Variants in SV2B observed in about 807,000 individuals in gnomAD.
The protein encoded by SV2B is synaptic vesicle glycoprotein 2B.
Under a neutral mutation model 73.9 loss-of-function variants are expected in SV2B, and 41 were observed. That is an observed-to-expected ratio of 0.56 (90% CI 0.43 to 0.72). The LOEUF (loss-of-function observed/expected upper bound fraction) is 0.72. Among genes scored for constraint, SV2B ranks in the 30% least tolerant of loss-of-function variants. The pLI, the probability that SV2B is intolerant of heterozygous loss-of-function variation, is 0.00. For synonymous variants in SV2B, 314 were observed against 314.2 expected (o/e 1.00, Z 0.01); for missense variants, 764 against 857.8 (o/e 0.89, Z 1.37).
rs1346800153 is a variant in SV2B, at chr15:91,121,313, CT to C, written c.-392+20951del. On this transcript the variant is annotated intron_variant, in intron 1 of 12. Coordinates refer to ENST00000394232, the MANE Select transcript of SV2B (RefSeq NM_001323032.3). The surrounding 1 kb of genome is among the most constrained non-coding windows in gnomAD (Gnocchi z 4.4). ...GTGAGAAATTTATTAATTTTCCCCC[CT>C]AACCCTCCTGAGAATACTTAAGCCA... 4.6e-5 allele frequency among the ~76,000 whole-genome samples: 7 copies of C among 152,198 alleles called. No individual in the cohort carries two copies. Among genetic ancestry groups the C allele is most frequent in the African/African-American group, 1.7e-4 (7 of 41,516 alleles).
In SV2B at chr15:91,300,374, G is replaced by C. The variant is rs763803349; in HGVS notation, c.*7822G>C. On this transcript the variant is annotated 3_prime_UTR_variant, in exon 13 of 13. Coordinates refer to ENST00000394232, the MANE Select transcript of SV2B (RefSeq NM_001323032.3). ...GTTACTTCTCTGTTCTTGATGTAAT[G>C]AGTTAAGTAGATGAAAGAGATTAAG... is the stretch of plus-strand genomic sequence containing the variant. 1 of 152,160 alleles carries C rather than the reference G, an allele frequency of 6.6e-6. No individual in the cohort carries two copies. Among genetic ancestry groups the C allele is most frequent in the Non-Finnish European group, 1.5e-5 (1 of 68,020 alleles). 9.4% of individuals were successfully genotyped at this position (152,160 alleles called of 1,614,324 possible).
In SV2B at chr15:91,134,778, C is replaced by T. The variant is rs566439675; in HGVS notation, c.-392+34415C>T. On this transcript the variant is annotated intron_variant, in intron 1 of 12. Transcript: ENST00000394232. Reference sequence around the variant, plus strand: ...TAGCTCCTTTTCTTTAAAAAGCAAACAACCCCAATAAAAACAACAGCGACA... The same window carrying T: ...TAGCTCCTTTTCTTTAAAAAGCAAATAACCCCAATAAAAACAACAGCGACA... Among the ~76,000 whole-genome samples the T allele has an allele frequency of 1.3e-4, 20 of 152,200 alleles. No individual in the cohort carries two copies. The South Asian group carries it at 4.2e-3, about 32-fold the overall frequency.
intron 1 of SV2B, among the ~76,000 whole-genome samples, chr15:91,119,906 G>T (rs1038428233): frequency 6.6e-6 from 1 of 152,154 alleles, no homozygotes; most frequent in African/African-American, 2.4e-5. Context: ...CATGCTGTAT[G>T]TCCATTTTAA....
At position 91,123,096 on chromosome 15, in the gene SV2B, C is replaced by T. The variant is rs150039019; in HGVS notation, c.-392+22733C>T. 4.0e-5 allele frequency among the ~76,000 whole-genome samples: 6 copies of T among 151,792 alleles called. No individual in the cohort carries two copies. The highest frequency in any genetic ancestry group is 1.5e-4 in the African/African-American group (6 of 41,352). The stretch of plus-strand genomic sequence containing the variant: ...GACCAGCCTGGCCAACATGGCAAAA[C>T]CCTGTTTCTACAAAACAAAGTACAA... On this transcript the variant is annotated intron_variant, in intron 1 of 12. Coordinates refer to ENST00000394232, the MANE Select transcript of SV2B (RefSeq NM_001323032.3). This position sits in a 1 kb window ranked among gnomAD's most constrained non-coding sequence, Gnocchi z 4.7.
upstream of SV2B, chr15:91,099,836 A>T (rs1483619461): frequency 6.6e-6 from 1 of 152,068 alleles, no homozygotes; most frequent in African/African-American, 2.4e-5. Flanking sequence ...CCTAGTTCGG[A>T]GTGGGTGGAA....
intron 1 of SV2B, among the ~76,000 whole-genome samples, chr15:91,133,861 T>A (rs1460314754): frequency 6.6e-6 from 1 of 152,168 alleles, no homozygotes; most frequent in Admixed American, 6.5e-5. Context: ...CTTATGGTGA[T>A]CACATTTGGG....
At chr15:91,217,941 C>T (rs982947834) in intron 1 of SV2B, among the ~76,000 whole-genome samples, 7 of 152,192 alleles carry the variant, frequency 4.6e-5, no homozygotes, top group African/African-American at 7.2e-5. Flanking sequence ...CTATTTTGTA[C>T]GGAGTCCCAT....
intron 9 of SV2B, among the ~76,000 whole-genome samples, chr15:91,276,170 AT>A (rs1051795160): frequency 7.3e-5 from 11 of 150,422 alleles, no homozygotes; most frequent in African/African-American, 2.4e-4. Flanking sequence ...TTATTTATTA[AT>A]TTTTTTGTAT....
At position 91,267,953 on chromosome 15, in the gene SV2B, C is replaced by T. The variant is rs2048163790; in HGVS notation, c.1208+310C>T. Among the ~76,000 whole-genome samples the T allele has an allele frequency of 6.6e-6, 1 of 152,112 alleles. No individual in the cohort carries two copies. The highest frequency in any genetic ancestry group is 6.5e-5 in the Admixed American group (1 of 15,270). On this transcript the variant is annotated intron_variant, in intron 8 of 12. Coordinates refer to ENST00000394232, the MANE Select transcript of SV2B (RefSeq NM_001323032.3). The surrounding 1 kb of genome is among the most constrained non-coding windows in gnomAD (Gnocchi z 4.3). The stretch of plus-strand genomic sequence containing the variant: ...CAGTTGCTGGGACTACAGATGTGTG[C>T]CACCACACCTGGATAATTTTTGTAT...
chr15:91,150,796 A>C (rs538282429), intron 1 of SV2B, among the ~76,000 whole-genome samples: 1 of 152,330 alleles, frequency 6.6e-6, no homozygotes, highest in East Asian at 1.9e-4. Flanking sequence ...TGAGCCTTAG[A>C]TATGGGTGCA....
At position 91,296,139 on chromosome 15, in the gene SV2B, T is replaced by C. The variant is rs920961720; in HGVS notation, c.*3587T>C. ...ACAGACCTAATCGATTTTTACCTAATCAGTTTTACAGAAAGGGTTACATGG... is the reference window on the plus strand; with the variant it reads ...ACAGACCTAATCGATTTTTACCTAACCAGTTTTACAGAAAGGGTTACATGG... On this transcript the variant is annotated 3_prime_UTR_variant, in exon 13 of 13. Coordinates refer to ENST00000394232, the MANE Select transcript of SV2B (RefSeq NM_001323032.3). The C allele has an allele frequency of 6.6e-6, 1 of 152,088 alleles. No individual in the cohort carries two copies. The highest frequency in any genetic ancestry group is 2.4e-5 in the African/African-American group (1 of 41,402). The allele number at this position is 152,088 out of a possible 1,614,324, so 9.4% of individuals were successfully genotyped here.
chr15:91,233,572 T>C (rs11631712), intron 2 of SV2B, among the ~76,000 whole-genome samples: 60,411 of 152,088 alleles, frequency 0.4, 16,685 homozygotes, highest in African/African-American at 0.79. Flanking sequence ...AGAACATTGA[T>C]TGGGAAGGAA....
chr15:91,266,520 A>G (rs2048105627), intron 6 of SV2B, 62 bp from the exon 7 acceptor site: 8 of 1,263,312 alleles, frequency 6.3e-6, no homozygotes, highest in Non-Finnish European at 6.9e-6. Flanking sequence ...ATTAAACTAC[A>G]CATTGAAAAC....
In SV2B at chr15:91,226,605, C is replaced by T. The variant is rs771011402; in HGVS notation, c.342C>T (p.Val114=). The T allele has an allele frequency of 2.5e-6, 4 of 1,614,112 alleles. No individual in the cohort carries two copies. The highest frequency in any genetic ancestry group is 3.4e-6 in the Non-Finnish European group (4 of 1,179,998). ...HGRFQWILFF[V]LGLALMADGV... Reference sequence around the variant, plus strand: ...GCTTCCAGTGGATCCTCTTTTTCGTCTTGGGTTTGGCCCTGATGGCCGATG... The same window carrying T: ...GCTTCCAGTGGATCCTCTTTTTCGTTTTGGGTTTGGCCCTGATGGCCGATG... Residue 114 remains valine, a synonymous_variant, in exon 2 of 13, where the codon GTC becomes GTT. Transcript: ENST00000394232.
intron 1 of SV2B, among the ~76,000 whole-genome samples, chr15:91,152,339 G>A (rs2043340274): frequency 1.3e-5 from 2 of 152,292 alleles, no homozygotes; most frequent in Non-Finnish European, 1.5e-5. Context: ...AGCTGGGTGG[G>A]AGCTGCCAGC....
At position 91,158,453 on chromosome 15, in the gene SV2B, C is replaced by T. The variant is rs147645245; in HGVS notation, c.-392+58090C>T. On this transcript the variant is annotated intron_variant, in intron 1 of 12. Coordinates refer to ENST00000394232, the MANE Select transcript of SV2B (RefSeq NM_001323032.3). ...AGAGCTCACTTTGGAGTAGCACAAA[C>T]GAAGGATTAGAGGGGAACAATCCAG... Among the ~76,000 whole-genome samples the T allele has an allele frequency of 2.5e-3, 378 of 151,682 alleles. 3 individuals are homozygous for T. The highest frequency in any genetic ancestry group is 0.019 in the Admixed American group (283 of 15,222).
At position 91,239,918 on chromosome 15, in the gene SV2B, C is replaced by G. The variant is rs1180387651; in HGVS notation, c.452-11901C>G. Among the ~76,000 whole-genome samples, 8 of 152,134 alleles carry G rather than the reference C, an allele frequency of 5.3e-5. No homozygotes were observed. Among genetic ancestry groups the G allele is most frequent in the Admixed American group, 5.2e-4 (8 of 15,284 alleles). ...TCTAAGTCCCCCGATAATGGCTTTC[C>G]AATCACCTGGCAGGTGTCCACCAAG... On this transcript the variant is annotated intron_variant, in intron 2 of 12. Coordinates refer to ENST00000394232, the MANE Select transcript of SV2B (RefSeq NM_001323032.3). The surrounding 1 kb of genome is among the most constrained non-coding windows in gnomAD (Gnocchi z 5.1).
Position 91,129,363 on chromosome 15 carries a change from C to G in SV2B, c.-392+29000C>G, listed in dbSNP as rs960852395. 1.3e-5 allele frequency among the ~76,000 whole-genome samples: 2 copies of G among 152,044 alleles called. No individual in the cohort carries two copies. Among genetic ancestry groups the G allele is most frequent in the African/African-American group, 4.8e-5 (2 of 41,398 alleles). On this transcript the variant is annotated intron_variant, in intron 1 of 12. Coordinates refer to ENST00000394232, the MANE Select transcript of SV2B (RefSeq NM_001323032.3). The surrounding 1 kb of genome is among the most constrained non-coding windows in gnomAD (Gnocchi z 5.1). ...AAAGGAAGGCTGTGGCAAAGGTATACGTAAAATGCAGGGTTGTGATGAAGG... is the reference window on the plus strand; with the variant it reads ...AAAGGAAGGCTGTGGCAAAGGTATAGGTAAAATGCAGGGTTGTGATGAAGG...
At chr15:91,152,219 A>G (rs1022811086) in intron 1 of SV2B, among the ~76,000 whole-genome samples, 2 of 152,136 alleles carry the variant, frequency 1.3e-5, no homozygotes, top group Non-Finnish European at 2.9e-5. Context: ...TTGCGAGAGA[A>G]TGAGTCAATG....
Sources: gnomAD v4.1 joint callset for allele counts (sites outside exome capture counted in the v4.1 genomes callset) on GRCh38, gnomAD v4.1.1 for gene constraint, Gnocchi (gnomAD v3.1) non-coding constraint, MANE v1.5 for transcripts, NCBI Gene and HGNC (gene_info 2026-07-23, HGNC 2026-07-21) for gene names.